The following SLCO1B1 variants were observed in gnomAD, a reference collection of about 807,000 sequenced individuals.
The protein encoded by SLCO1B1 is solute carrier organic anion transporter family member 1B1, also known as OATP-2.
Under a neutral mutation model 70.1 loss-of-function variants are expected in SLCO1B1, and 81 were observed. The observed-to-expected ratio is 1.16, with a 90% CI of 0.97 to 1.39. The LOEUF (loss-of-function observed/expected upper bound fraction) is 1.39. SLCO1B1 is among the 40% of genes most tolerant of loss of function. The pLI, the probability that SLCO1B1 is intolerant of heterozygous loss-of-function variation, is 0.00. For synonymous variants in SLCO1B1, 283 were observed against 271.5 expected (o/e 1.04, Z -0.42); for missense variants, 895 against 799.6 (o/e 1.12, Z -1.44).
chr12:21,230,132 A>G (rs1941518716), intron 14 of SLCO1B1, among the ~76,000 whole-genome samples: 1 of 152,050 alleles, frequency 6.6e-6, no homozygotes, highest in Non-Finnish European at 1.5e-5. Context: ...ATGTCATTTT[A>G]TTATTCTTCT....
At chr12:21,135,334 T>C (rs569262870) in intron 1 of SLCO1B1, among the ~76,000 whole-genome samples, 4 of 152,336 alleles carry the variant, frequency 2.6e-5, no homozygotes, top group Admixed American at 2.0e-4. Context: ...GAGAGTTCTG[T>C]AGATGTCTAT....
intron 7 of SLCO1B1, among the ~76,000 whole-genome samples, chr12:21,189,502 C>T (rs1941003993): frequency 6.6e-6 from 1 of 151,692 alleles, no homozygotes; most frequent in South Asian, 2.1e-4. Context: ...GGCTGGAGTG[C>T]AGTTGTGTGA....
In SLCO1B1 at chr12:21,178,605, T is replaced by C. The variant is rs775167279; in HGVS notation, c.511T>C (p.Trp171Arg). Reference protein sequence around the residue: ...GCLKESGSYMWIYVFMGNMLR... With the variant: ...GCLKESGSYMRIYVFMGNMLR... ...TTTAAAGGAATCTGGGTCATACATG[T>C]GGATATATGTGTTCATGGGTAATAT... The change falls in exon 6 of 15, where the codon TGG (tryptophan) becomes CGG (arginine). Residue 171 changes from tryptophan to arginine, a missense_variant. Trp to Arg is a moderately radical substitution (Grantham distance 101, BLOSUM62 -3). Coordinates refer to ENST00000256958, the MANE Select transcript of SLCO1B1 (RefSeq NM_006446.5). 1.2e-6 allele frequency: 2 copies of C among 1,607,780 alleles called. No individual in the cohort carries two copies. The highest frequency in any genetic ancestry group is 2.7e-5 in the African/African-American group (2 of 74,816).
chr12:21,161,815 C>T (rs1232925867), intron 2 of SLCO1B1, among the ~76,000 whole-genome samples: 1 of 152,238 alleles, frequency 6.6e-6, no homozygotes, highest in East Asian at 1.9e-4. Context: ...TGAGATCAGC[C>T]TGGCCAACAT....
chr12:21,164,758 A>G (rs1940664166), intron 2 of SLCO1B1: 1 of 459,104 alleles, frequency 2.2e-6, no homozygotes, highest in African/African-American at 2.0e-5. Context: ...CTAAGCTTCT[A>G]TAATCAACTG....
chr12:21,222,286 T>C lies in SLCO1B1; in HGVS notation c.1683-14T>C. The C allele has an allele frequency of 7.2e-7, 1 of 1,395,222 alleles. No individual in the cohort carries two copies. The highest frequency in any genetic ancestry group is 9.7e-7 in the Non-Finnish European group (1 of 1,033,368). The allele number at this position is 1,395,222 out of a possible 1,614,324, so 86.4% of individuals were successfully genotyped here. On this transcript the variant is annotated splice_polypyrimidine_tract_variant and intron_variant, in intron 12 of 14. Transcript: ENST00000256958. The stretch of plus-strand genomic sequence containing the variant: ...AATGATATTTAATGTTTCTTTGCCT[T>C]TGTCTTGTTTCAGAATTGTTCAACC...
chr12:21,148,695 C>CTT (rs71043249), intron 2 of SLCO1B1, among the ~76,000 whole-genome samples: 32 of 100,182 alleles, frequency 3.2e-4, no homozygotes, highest in African/African-American at 1.1e-3. Flanking sequence ...GCTATATGGG[C>CTT]TTTTTTTTTT....
chr12:21,222,399 T>TATAA (rs1941437107), intron 13 of SLCO1B1, 35 bp downstream of exon 13: 1 of 42,074 alleles, frequency 2.4e-5, no homozygotes, highest in African/African-American at 1.1e-4. Flanking sequence ...AAAAAAAAAA[T>TATAA]ATATATATAT....
At chr12:21,190,952 A>G (rs67981690) in intron 7 of SLCO1B1, among the ~76,000 whole-genome samples, 25,825 of 151,796 alleles carry the variant, frequency 0.17, 2,409 homozygotes, top group African/African-American at 0.24. Flanking sequence ...TTTATTCTGC[A>G]TATTTCTTTT....
At chr12:21,238,882 AT>A (rs921180989) in intron 14 of SLCO1B1, 96 bp from the exon 15 acceptor site, 18 of 664,056 alleles carry the variant, frequency 2.7e-5, no homozygotes, top group African/African-American at 5.6e-5. Context: ...TTTATTTATA[AT>A]TTTTTTTCTT....
chr12:21,189,455 A>AT lies in SLCO1B1; in HGVS notation c.728-7479dup, dbSNP rs34804201. 3.4e-3 allele frequency among the ~76,000 whole-genome samples: 508 copies of AT among 149,164 alleles called. 2 individuals carry two copies. Among genetic ancestry groups the AT allele is most frequent in the African/African-American group, 0.011 (430 of 40,598 alleles). On this transcript the variant is annotated intron_variant, in intron 7 of 14. Transcript: ENST00000256958. ...GTAGCCTAATTGTTTTTTCAAATTAATTTTTTTTTTTTGAGTCACTCTCAC... is the reference window on the plus strand; with the variant it reads ...GTAGCCTAATTGTTTTTTCAAATTAATTTTTTTTTTTTTGAGTCACTCTCAC...
chr12:21,137,252 C>T (rs1382901896), intron 1 of SLCO1B1, among the ~76,000 whole-genome samples: 2 of 152,146 alleles, frequency 1.3e-5, no homozygotes, highest in African/African-American at 4.8e-5. Flanking sequence ...CTGGGGGGTG[C>T]CTCCCAGTTA....
chr12:21,194,146 G>A (rs1448921871), intron 7 of SLCO1B1, among the ~76,000 whole-genome samples: 3 of 150,614 alleles, frequency 2.0e-5, no homozygotes, highest in Non-Finnish European at 4.4e-5. Context: ...TGAACAAAAT[G>A]CAGCCAAGTA....
At chr12:21,136,154 T>G (rs1221342165) in intron 1 of SLCO1B1, among the ~76,000 whole-genome samples, 2 of 152,204 alleles carry the variant, frequency 1.3e-5, no homozygotes, top group African/African-American at 4.8e-5. Context: ...TGTTGAATAT[T>G]GGTCCCCACT....
At chr12:21,174,822 C>A in intron 4 of SLCO1B1, 113 bp downstream of exon 4, 1 of 991,160 alleles carries the variant, frequency 1.0e-6, no homozygotes, top group Non-Finnish European at 1.5e-6. Context: ...AGAAGATACC[C>A]ACTAAGTGTG....
chr12:21,216,996 C>A, intron 11 of SLCO1B1, 123 bp from the exon 12 acceptor site: 1 of 750,948 alleles, frequency 1.3e-6, no homozygotes, highest in Non-Finnish European at 2.3e-6. Context: ...TTTTTAGAAT[C>A]TTCTTAAACT....
intron 2 of SLCO1B1, among the ~76,000 whole-genome samples, chr12:21,146,944 T>G (rs983558878): frequency 6.6e-6 from 1 of 152,146 alleles, no homozygotes; most frequent in Admixed American, 6.6e-5. Flanking sequence ...TCCAGTTAAT[T>G]GATGATGTTG....
At chr12:21,177,285 T>G (rs1044071817) in intron 5 of SLCO1B1, among the ~76,000 whole-genome samples, 6 of 152,074 alleles carry the variant, frequency 3.9e-5, no homozygotes, top group Non-Finnish European at 8.8e-5. Flanking sequence ...GTAAAAGCAT[T>G]TAGAAGTAGA....
intron 11 of SLCO1B1, among the ~76,000 whole-genome samples, chr12:21,210,695 T>A (rs1194556345): frequency 3.4e-5 from 5 of 148,936 alleles, no homozygotes; most frequent in Admixed American, 2.0e-4. Flanking sequence ...CCCATGAGCA[T>A]GGAATGTTCT....
Sources: allele counts gnomAD v4.1 joint callset (sites outside exome capture counted in the v4.1 genomes callset), GRCh38; gene constraint gnomAD v4.1.1; transcripts MANE v1.5; gene names NCBI Gene and HGNC (gene_info 2026-07-23, HGNC 2026-07-21).